MYRIP: variants seen among roughly 807,000 people sequenced by gnomAD.
MYRIP encodes the protein myosin VIIA and Rab interacting protein.
MYRIP carries 49 observed loss-of-function variants against 98.0 expected under a neutral mutation model. The ratio of observed to expected loss-of-function variants is 0.50; its 90% CI spans 0.40 to 0.63. The LOEUF (loss-of-function observed/expected upper bound fraction) is 0.63, where lower values mean the gene tolerates loss of function less well. Among genes scored for constraint, MYRIP ranks in the 30% least tolerant of loss-of-function variants. The pLI, the probability that MYRIP is intolerant of heterozygous loss-of-function variation, is 0.00. For synonymous variants in MYRIP, 404 were observed against 409.5 expected, an observed-to-expected ratio of 0.99 and a Z score of 0.16; for missense variants, 1,004 against 1,058.2, an observed-to-expected ratio of 0.95 and a Z score of 0.71.
rs535533824 is a variant in MYRIP, at chr3:39,966,474, A to G, written c.110+65548A>G. Among the ~76,000 whole-genome samples the G allele has an allele frequency of 3.3e-4, 51 of 152,352 alleles. 1 individual carries two copies. The highest frequency in any genetic ancestry group is 1.0e-3 in the African/African-American group (42 of 41,594). On this transcript the variant is annotated intron_variant, in intron 2 of 16. Transcript: ENST00000302541. ...CTCAGAGCATGTCTTAGTGAATAGC[A>G]TAGATATTAGTGTTCCAGCAGGAAA...
At position 40,258,118 on chromosome 3, in the gene MYRIP, C is replaced by A; in HGVS notation, c.2548-16C>A. 6.2e-7 allele frequency: 1 copy of A among 1,614,140 alleles called. No homozygotes were observed. The highest frequency in any genetic ancestry group is 8.5e-7 in the Non-Finnish European group (1 of 1,180,002). ...CCCAAGTGGCTGATGGGAGTGTGTT[C>A]AATGTCTCACCTCAGGAGCCTGCTC... On this transcript the variant is annotated splice_polypyrimidine_tract_variant and intron_variant, in intron 16 of 16. Coordinates refer to ENST00000302541, the MANE Select transcript of MYRIP (RefSeq NM_015460.4).
intron 3 of MYRIP, among the ~76,000 whole-genome samples, chr3:40,085,902 G>A (rs1948616173): frequency 6.6e-6 from 1 of 152,122 alleles, no homozygotes; most frequent in African/African-American, 2.4e-5. Context: ...AAGTGGGAAA[G>A]GCAAAGGAAC....
chr3:40,125,844 A>C (rs1055459929), intron 3 of MYRIP, among the ~76,000 whole-genome samples: 2 of 152,188 alleles, frequency 1.3e-5, no homozygotes, highest in East Asian at 3.9e-4. Flanking sequence ...CATTAATGGC[A>C]GTTGTCATGT....
chr3:40,039,960 T>C (rs894049314), intron 2 of MYRIP, among the ~76,000 whole-genome samples: 5 of 152,088 alleles, frequency 3.3e-5, no homozygotes, highest in African/African-American at 9.7e-5. Flanking sequence ...GTTACTTGGA[T>C]TGTAGCCACA....
chr3:40,118,149 A>G (rs1261989910), intron 3 of MYRIP, among the ~76,000 whole-genome samples: 5 of 152,248 alleles, frequency 3.3e-5, no homozygotes, highest in African/African-American at 1.2e-4. Flanking sequence ...TGATAAATGT[A>G]AATTAAAACT....
chr3:39,825,781 A>G (rs113972881), intron 1 of MYRIP, among the ~76,000 whole-genome samples: 6 of 152,260 alleles, frequency 3.9e-5, no homozygotes, highest in South Asian at 2.1e-4. Context: ...ACAGTTTGGT[A>G]GAATTTAGTG....
intron 2 of MYRIP, among the ~76,000 whole-genome samples, chr3:40,034,322 A>G (rs1030985092): frequency 2.0e-5 from 3 of 152,202 alleles, no homozygotes; most frequent in Non-Finnish European, 4.4e-5. Flanking sequence ...CAACCTACTC[A>G]TCTGACAAAG....
In MYRIP at chr3:39,976,531, C is replaced by A. The variant is rs567519571; in HGVS notation, c.111-67519C>A. Among the ~76,000 whole-genome samples the A allele has an allele frequency of 4.0e-4, 61 of 152,248 alleles. 1 individual carries two copies. The highest frequency in any genetic ancestry group is 1.3e-3 in the African/African-American group (54 of 41,546). On this transcript the variant is annotated intron_variant, in intron 2 of 16. Coordinates refer to ENST00000302541, the MANE Select transcript of MYRIP (RefSeq NM_015460.4). Reference sequence around the variant, plus strand: ...AACTAGAAATACCATTTGACCCAGCCATCCCGTTACTGGGTATATACCCAA... The same window carrying A: ...AACTAGAAATACCATTTGACCCAGCAATCCCGTTACTGGGTATATACCCAA...
intron 9 of MYRIP, among the ~76,000 whole-genome samples, chr3:40,188,932 A>T (rs1951118330): frequency 6.6e-6 from 1 of 152,176 alleles, no homozygotes; most frequent in South Asian, 2.1e-4. Flanking sequence ...ACAAGACAAA[A>T]CAACTTTTAC....
intron 3 of MYRIP, among the ~76,000 whole-genome samples, chr3:40,065,694 A>G (rs1007305149): frequency 1.3e-5 from 2 of 152,172 alleles, no homozygotes; most frequent in African/African-American, 4.8e-5. Context: ...TTAATCTTAG[A>G]AAGCATTTAA....
chr3:39,984,901 T>G (rs1015138712), intron 2 of MYRIP, among the ~76,000 whole-genome samples: 4 of 151,562 alleles, frequency 2.6e-5, no homozygotes, highest in Non-Finnish European at 5.9e-5. Context: ...GTTTCCTGAC[T>G]TTTTAATGAT....
At chr3:40,008,196 G>C (rs770214975) in intron 2 of MYRIP, among the ~76,000 whole-genome samples, 20 of 152,036 alleles carry the variant, frequency 1.3e-4, no homozygotes, top group Non-Finnish European at 2.8e-4. Flanking sequence ...TCTGCACTTA[G>C]AATATTATAT....
At chr3:39,963,471 T>C (rs1323552100) in intron 2 of MYRIP, among the ~76,000 whole-genome samples, 1 of 152,166 alleles carries the variant, frequency 6.6e-6, no homozygotes, top group Non-Finnish European at 1.5e-5. Flanking sequence ...CCCTGTTATA[T>C]TGCATGTCCT....
chr3:39,882,775 G>A (rs1575340103), intron 1 of MYRIP, among the ~76,000 whole-genome samples: 1 of 152,186 alleles, frequency 6.6e-6, no homozygotes, highest in East Asian at 1.9e-4. Flanking sequence ...AATATGGTAT[G>A]TTTGCTATTA....
chr3:39,886,504 C>A (rs1289067108), intron 1 of MYRIP, among the ~76,000 whole-genome samples: 3 of 149,388 alleles, frequency 2.0e-5, no homozygotes, highest in Admixed American at 1.3e-4. Context: ...ATCTACCAAG[C>A]AAATGGAAAA....
intron 11 of MYRIP, among the ~76,000 whole-genome samples, chr3:40,220,710 C>T (rs1575650206): frequency 2.0e-5 from 3 of 151,996 alleles, no homozygotes; most frequent in African/African-American, 7.2e-5. Context: ...GCAGGCTCTA[C>T]AGGAAGCATG....
intron 2 of MYRIP, among the ~76,000 whole-genome samples, chr3:39,959,120 G>A (rs1187484199): frequency 2.0e-5 from 3 of 152,166 alleles, no homozygotes; most frequent in Admixed American, 1.3e-4. Context: ...ACAGTGTGGC[G>A]ATTCCTCAAG....
chr3:39,860,629 C>T (rs1942439631), intron 1 of MYRIP, among the ~76,000 whole-genome samples: 1 of 152,152 alleles, frequency 6.6e-6, no homozygotes, highest in Non-Finnish European at 1.5e-5. Context: ...CACTGTAGCT[C>T]CTGTGCTAGA....
chr3:39,911,099 C>G (rs1342425245), intron 2 of MYRIP, among the ~76,000 whole-genome samples: 1 of 152,196 alleles, frequency 6.6e-6, no homozygotes, highest in East Asian at 1.9e-4. Flanking sequence ...TGAACCCTTT[C>G]ATGTTTCCCT....
Sources: gnomAD v4.1 joint callset for allele counts (sites outside exome capture counted in the v4.1 genomes callset) on GRCh38, gnomAD v4.1.1 for gene constraint, MANE v1.5 for transcripts, NCBI Gene and HGNC (gene_info 2026-07-23, HGNC 2026-07-21) for gene names.